ASTN2: variants seen among roughly 807,000 people sequenced by gnomAD.
ASTN2 encodes the protein astrotactin 2, also known as astrotactin-2.
ASTN2 carries 54 observed loss-of-function variants against 139.8 expected under a neutral mutation model. That is an observed-to-expected ratio of 0.39 (90% CI 0.31 to 0.48). ASTN2 has a LOEUF of 0.48. Ranked by LOEUF, ASTN2 falls within the 20% of genes least tolerant of loss-of-function variation. ASTN2 has a pLI of 0.95. For synonymous variants in ASTN2, 756 were observed against 719.5 expected (o/e 1.05, Z -0.81); for missense variants, 1,565 against 1,725.1 (o/e 0.91, Z 1.64).
intron 5 of ASTN2, among the ~76,000 whole-genome samples, chr9:117,082,975 G>A (rs1021655961): frequency 8.5e-5 from 13 of 152,226 alleles, no homozygotes; most frequent in Admixed American, 8.5e-4. Context: ...TATAGTTCAT[G>A]AGTCTCCTGA....
At chr9:116,833,997 C>T (rs1588333477) in intron 11 of ASTN2, among the ~76,000 whole-genome samples, 1 of 152,186 alleles carries the variant, frequency 6.6e-6, no homozygotes, top group Non-Finnish European at 1.5e-5. Context: ...TTAGCCAGCA[C>T]CTCAATCTTA....
intron 4 of ASTN2, among the ~76,000 whole-genome samples, chr9:117,123,699 T>C (rs980614940): frequency 2.6e-5 from 4 of 152,118 alleles, no homozygotes; most frequent in African/African-American, 7.2e-5. Context: ...GAGAGGTAAT[T>C]ACATTAAGAG....
chr9:116,836,247 G>GA (rs141379596), intron 11 of ASTN2, among the ~76,000 whole-genome samples: 6,371 of 152,140 alleles, frequency 0.042, 462 homozygotes, highest in African/African-American at 0.15. Flanking sequence ...GGTCCGTGGT[G>GA]AATGTCCTGG....
At chr9:116,760,128 C>T (rs1829638627) in intron 13 of ASTN2, among the ~76,000 whole-genome samples, 2 of 152,202 alleles carry the variant, frequency 1.3e-5, no homozygotes, top group African/African-American at 4.8e-5. Flanking sequence ...TGTGCACATA[C>T]TCCATGGACA....
At chr9:116,733,255 G>A in intron 14 of ASTN2, 144 bp downstream of exon 14, 2 of 1,164,588 alleles carry the variant, frequency 1.7e-6, no homozygotes, top group Non-Finnish European at 2.4e-6. Context: ...CCAAGAAAGG[G>A]TAAGTTCCTT....
chr9:116,803,522 A>ATATATATATATTTTT (rs1554748694), intron 13 of ASTN2, among the ~76,000 whole-genome samples: 1 of 21,146 alleles, frequency 4.7e-5, no homozygotes, highest in Non-Finnish European at 8.0e-5. Context: ...ATATATATAT[A>ATATATATATATTTTT]TTTTTTTTTT....
intron 1 of ASTN2, among the ~76,000 whole-genome samples, chr9:117,359,050 C>G (rs1023874742): frequency 1.3e-5 from 2 of 152,158 alleles, no homozygotes; most frequent in Non-Finnish European, 2.9e-5. Context: ...TCTCAGGTCC[C>G]TCAGAGCCCT....
At chr9:116,668,727 G>T (rs1477657558) in intron 16 of ASTN2, among the ~76,000 whole-genome samples, 1 of 152,168 alleles carries the variant, frequency 6.6e-6, no homozygotes, top group African/African-American at 2.4e-5. Flanking sequence ...AACTCCTTTG[G>T]ACAAATACCA....
At chr9:116,599,730 A>T (rs960796727) in intron 19 of ASTN2, among the ~76,000 whole-genome samples, 8 of 152,198 alleles carry the variant, frequency 5.3e-5, no homozygotes, top group Non-Finnish European at 1.0e-4. Context: ...GATTTGAGAC[A>T]AAATGAAGTA....
At chr9:117,161,552 C>T (rs1293624101) in intron 3 of ASTN2, among the ~76,000 whole-genome samples, 1 of 152,042 alleles carries the variant, frequency 6.6e-6, no homozygotes, top group Non-Finnish European at 1.5e-5. Flanking sequence ...TGCCACCATG[C>T]ACAGCTAATT....
chr9:117,393,721 C>A (rs1830604048), intron 1 of ASTN2, among the ~76,000 whole-genome samples: 1 of 152,122 alleles, frequency 6.6e-6, no homozygotes. Flanking sequence ...GCTCCTGAGA[C>A]CCTCTTGCTA....
chr9:116,514,360 A>T (rs1850544398), intron 19 of ASTN2, among the ~76,000 whole-genome samples: 1 of 151,046 alleles, frequency 6.6e-6, no homozygotes, highest in Admixed American at 6.6e-5. Flanking sequence ...GTTCCTCTGG[A>T]ATTTTCGTCT....
At chr9:116,540,039 G>A (rs956881838) in intron 19 of ASTN2, among the ~76,000 whole-genome samples, 2 of 152,114 alleles carry the variant, frequency 1.3e-5, no homozygotes, top group African/African-American at 4.8e-5. Flanking sequence ...AAAATGAATC[G>A]CATCTTGATG....
chr9:116,974,117 C>T (rs1424564262), intron 10 of ASTN2, among the ~76,000 whole-genome samples: 1 of 152,094 alleles, frequency 6.6e-6, no homozygotes, highest in African/African-American at 2.4e-5. Context: ...AAGCTGTGTA[C>T]AAATCAGTTT....
Position 116,725,959 on chromosome 9 carries a change from G to A in ASTN2, c.2627-9C>T. 2 of 1,607,716 alleles carry A rather than the reference G, an allele frequency of 1.2e-6. No homozygotes were observed. Among genetic ancestry groups the A allele is most frequent in the Non-Finnish European group, 1.7e-6 (2 of 1,177,668 alleles). Reference sequence around the variant, plus strand: ...GAGAACATTAGTGAAGCCTGGACAAGAGAGGAGCATGTGGAGGTGGTCAGA... The same window carrying A: ...GAGAACATTAGTGAAGCCTGGACAAAAGAGGAGCATGTGGAGGTGGTCAGA... On this transcript the variant is annotated splice_polypyrimidine_tract_variant and intron_variant, in intron 15 of 22. Coordinates refer to ENST00000313400, the MANE Select transcript of ASTN2 (RefSeq NM_001365068.1).
chr9:116,831,811 G>A (rs1034959687), intron 11 of ASTN2, among the ~76,000 whole-genome samples: 11 of 152,048 alleles, frequency 7.2e-5, no homozygotes, highest in South Asian at 2.1e-4. Context: ...AAATCATGCC[G>A]AGGTTTTGAT....
At chr9:116,589,599 G>A (rs1377239859) in intron 19 of ASTN2, among the ~76,000 whole-genome samples, 1 of 152,164 alleles carries the variant, frequency 6.6e-6, no homozygotes, top group East Asian at 1.9e-4. Context: ...GTCAAGTCAT[G>A]GTGGAGGCGA....
intron 1 of ASTN2, among the ~76,000 whole-genome samples, chr9:117,407,268 T>G (rs1024126356): frequency 1.3e-5 from 2 of 152,182 alleles, no homozygotes; most frequent in Admixed American, 1.3e-4. Flanking sequence ...AGAGGGAAAT[T>G]CAACACCTTC....
At chr9:116,495,513 T>C (rs1399394413) in intron 19 of ASTN2, among the ~76,000 whole-genome samples, 1 of 151,458 alleles carries the variant, frequency 6.6e-6, no homozygotes, top group Non-Finnish European at 1.5e-5. Flanking sequence ...CCCAGTTGTG[T>C]CTGAGGCCTA....
Sources: gnomAD v4.1 joint callset for allele counts (sites outside exome capture counted in the v4.1 genomes callset) on GRCh38, gnomAD v4.1.1 for gene constraint, MANE v1.5 for transcripts, NCBI Gene and HGNC (gene_info 2026-07-23, HGNC 2026-07-21) for gene names.